Variants in ADCY3 observed in about 807,000 individuals in gnomAD.
ADCY3 encodes adenylate cyclase 3, also known as adenylate cyclase type 3.
Under a neutral mutation model 119.4 loss-of-function variants are expected in ADCY3, and 70 were observed. The ratio of observed to expected loss-of-function variants is 0.59; its 90% confidence interval spans 0.48 to 0.72. ADCY3 has a LOEUF of 0.72. ADCY3 is among the 30% of genes least tolerant of loss of function. The pLI is 0.00. For synonymous variants in ADCY3, 672 were observed against 621.4 expected (o/e 1.08, Z -1.21); for missense variants, 1,238 against 1,541.6 (o/e 0.80, Z 3.30).
chr2:24,836,408 G>A (rs1355766827), intron 9 of ADCY3, among the ~76,000 whole-genome samples: 1 of 152,242 alleles, frequency 6.6e-6, no homozygotes, highest in Non-Finnish European at 1.5e-5. Context: ...ATCAGTGAAC[G>A]TGCTCCAGAC....
intron 2 of ADCY3, among the ~76,000 whole-genome samples, chr2:24,917,115 A>G (rs1290437630): frequency 6.6e-6 from 1 of 152,212 alleles, no homozygotes; most frequent in Non-Finnish European, 1.5e-5. Flanking sequence ...TCAGCAGAGG[A>G]GTGGAAGATT....
At chr2:24,885,026 A>C (rs970821038) in intron 2 of ADCY3, among the ~76,000 whole-genome samples, 1 of 152,182 alleles carries the variant, frequency 6.6e-6, no homozygotes, top group Non-Finnish European at 1.5e-5. Context: ...GTCTGGAAGG[A>C]CCATGGCAGG....
chr2:24,846,521 C>T (rs1671663043), intron 3 of ADCY3, among the ~76,000 whole-genome samples: 1 of 152,120 alleles, frequency 6.6e-6, no homozygotes, highest in Non-Finnish European at 1.5e-5. Context: ...TTTGGAATGG[C>T]TATACTTACT....
At position 24,842,658 on chromosome 2, in the gene ADCY3, C is replaced by T; in HGVS notation, c.826-274G>A. On this transcript the variant is annotated intron_variant, in intron 3 of 21. Transcript: ENST00000679454. The surrounding 1 kb of genome is among the most constrained non-coding windows in gnomAD (Gnocchi z 4.9). ...AAGCATCCCAACGTGGCTCTGTGCT[C>T]AGCATCCTCGTGCCACAAGAAGCGC... 2.3e-6 allele frequency: 1 copy of T among 434,086 alleles called. No homozygotes were observed. The highest frequency in any genetic ancestry group is 4.3e-6 in the Non-Finnish European group (1 of 232,252). 26.9% of individuals were successfully genotyped at this position (434,086 alleles called of 1,614,324 possible).
chr2:24,890,327 T>C (rs755877806), intron 2 of ADCY3, among the ~76,000 whole-genome samples: 42 of 152,324 alleles, frequency 2.8e-4, no homozygotes, highest in Admixed American at 1.2e-3. Flanking sequence ...CAGGGCAATA[T>C]TGAATTCATA....
rs1407380370 is a variant in ADCY3 at position 24,823,491 on chromosome 2, C to T, written c.2737-136G>A. 5 of 780,970 alleles carry T rather than the reference C, an allele frequency of 6.4e-6. No homozygotes were observed. In the South Asian group the frequency reaches 9.4e-5, roughly 15 times the overall value. The allele number at this position is 780,970 out of a possible 1,614,324, so 48.4% of individuals were successfully genotyped here. On this transcript the variant is annotated intron_variant, in intron 17 of 21. Coordinates refer to ENST00000679454, the MANE Select transcript of ADCY3 (RefSeq NM_004036.5). Reference sequence around the variant, plus strand: ...TCACACATCAGTCAGATTATTCCAGCATTTTTTTTTTTTTTTTTAAGAGTG... The same window carrying T: ...TCACACATCAGTCAGATTATTCCAGTATTTTTTTTTTTTTTTTTAAGAGTG...
rs1162497254 is a variant in ADCY3, at chr2:24,919,360, C to T, written c.-197-176G>A. 9.7e-6 allele frequency: 2 copies of T among 206,842 alleles called. No individual in the cohort carries two copies. The highest frequency in any genetic ancestry group is 2.0e-5 in the Non-Finnish European group (2 of 102,000). The allele number at this position is 206,842 out of a possible 1,614,324, so 12.8% of individuals were successfully genotyped here. A position where few individuals can be genotyped will look rare whatever the true frequency, so the allele number is the denominator to read the frequency against. The stretch of plus-strand genomic sequence containing the variant: ...CCGCAGGCACACTTAGTCCTGTCCA[C>T]GCCAGACACTCAATTTCCTGTCCCT... On this transcript the variant is annotated intron_variant, in intron 1 of 21. Coordinates refer to ENST00000679454, the MANE Select transcript of ADCY3 (RefSeq NM_004036.5). This position sits in a 1 kb window ranked among gnomAD's most constrained non-coding sequence, Gnocchi z 5.5.
Position 24,853,005 on chromosome 2 carries a change from G to GGGGTGT in ADCY3, c.826-10622_826-10621insACACCC, listed in dbSNP as rs1558455043. On this transcript the variant is annotated intron_variant, in intron 3 of 21. Coordinates refer to ENST00000679454, the MANE Select transcript of ADCY3 (RefSeq NM_004036.5). The stretch of plus-strand genomic sequence containing the variant: ...ATTTGAAGGAAAGGAACAGCTGGAG[G>GGGGTGT]GTGTGTGTGTGTGTGTGTGTGTGTG... 6.3e-5 allele frequency among the ~76,000 whole-genome samples: 6 copies of GGGGTGT among 95,318 alleles called. 1 individual carries two copies. Among genetic ancestry groups the GGGGTGT allele is most frequent in the African/African-American group, 3.4e-4 (6 of 17,670 alleles). 62.5% of individuals were successfully genotyped at this position (95,318 alleles called of 152,430 possible). A position where few individuals can be genotyped will look rare whatever the true frequency, so the allele number is the denominator to read the frequency against.
chr2:24,859,818 C>G (rs766366118), intron 3 of ADCY3, among the ~76,000 whole-genome samples: 8 of 152,188 alleles, frequency 5.3e-5, no homozygotes, highest in Non-Finnish European at 1.0e-4. Context: ...TGCAGTCCCC[C>G]AAGACCTGAA....
intron 2 of ADCY3, among the ~76,000 whole-genome samples, chr2:24,889,832 G>A (rs141029407): frequency 0.058 from 8,833 of 152,272 alleles, 351 homozygotes; most frequent in Non-Finnish European, 0.089. Flanking sequence ...GCGAAACTCC[G>A]TCTCAAATAA....
chr2:24,834,734 G>C lies in ADCY3; in HGVS notation c.1805+60C>G, dbSNP rs751479357. Reference sequence around the variant, plus strand: ...CCGTATTTGGGATGCTCAGTTTCCTGAATCCCTTGTCAGGGCCCGGGAGGA... The same window carrying C: ...CCGTATTTGGGATGCTCAGTTTCCTCAATCCCTTGTCAGGGCCCGGGAGGA... On this transcript the variant is annotated intron_variant, in intron 10 of 21. Coordinates refer to ENST00000679454, the MANE Select transcript of ADCY3 (RefSeq NM_004036.5). This position sits in a 1 kb window ranked among gnomAD's most constrained non-coding sequence, Gnocchi z 4.2. 38 of 1,601,868 alleles carry C rather than the reference G, an allele frequency of 2.4e-5. No individual in the cohort carries two copies. Among genetic ancestry groups the C allele is most frequent in the Non-Finnish European group, 3.0e-5 (35 of 1,170,612 alleles).
chr2:24,834,724 T>C lies in ADCY3; in HGVS notation c.1805+70A>G. The C allele has an allele frequency of 1.2e-6, 2 of 1,601,938 alleles. No homozygotes were observed. Among genetic ancestry groups the C allele is most frequent in the South Asian group, 1.1e-5 (1 of 90,702 alleles). On this transcript the variant is annotated intron_variant, in intron 10 of 21. Transcript: ENST00000679454. The surrounding 1 kb of genome is among the most constrained non-coding windows in gnomAD (Gnocchi z 4.2). ...AGCAGGGGGGCCGTATTTGGGATGC[T>C]CAGTTTCCTGAATCCCTTGTCAGGG...
chr2:24,875,985 T>TGG (rs1675637478), intron 2 of ADCY3, among the ~76,000 whole-genome samples: 1 of 113,670 alleles, frequency 8.8e-6, no homozygotes, highest in African/African-American at 4.6e-5. Flanking sequence ...GGACTTCTTT[T>TGG]TGGGAGGGGG....
intron 16 of ADCY3, chr2:24,825,769 T>G (rs1668531872): frequency 2.3e-6 from 1 of 434,340 alleles, no homozygotes; most frequent in South Asian, 2.9e-5. Flanking sequence ...TGATTCAAGA[T>G]GTTTGTGCCT....
Position 24,826,055 on chromosome 2 carries a change from A to T in ADCY3, c.2567T>A (p.Phe856Tyr), listed in dbSNP as rs367811817. ...GCAGGCGGCACTCACGTGGCGGGAG[A>T]AGTAGTAGAAGCTGAGCATCATGAG... is the stretch of plus-strand genomic sequence containing the variant. ...VFLMMLSFYY[F>Y]SRHVEKLART... The change falls in exon 16 of 22, where the codon TTC becomes TAC. Residue 856 changes from phenylalanine (F) to tyrosine (Y), a missense_variant. Physicochemically the swap from Phe to Tyr is conservative, Grantham distance 22 (BLOSUM62 3). Around this residue, in one of 7 missense-constraint regions of ADCY3, gnomAD observed 499 missense variants for 571.0 expected, o/e 0.87. Coordinates refer to ENST00000679454, the MANE Select transcript of ADCY3 (RefSeq NM_004036.5). The T allele has an allele frequency of 2.0e-5, 32 of 1,613,788 alleles. No homozygotes were observed. The East Asian group carries it at 2.2e-4, about 11-fold the overall frequency.
intron 2 of ADCY3, among the ~76,000 whole-genome samples, chr2:24,889,663 C>A (rs1677452365): frequency 1.3e-5 from 2 of 152,156 alleles, no homozygotes; most frequent in South Asian, 4.1e-4. Context: ...GTGGTGAAAT[C>A]CCATCTCTAA....
rs200335673 is a variant in ADCY3 at position 24,821,567 on chromosome 2, G to A, written c.3077C>T (p.Thr1026Met). The change falls in exon 20 of 22, where the codon ACG (threonine) becomes ATG (methionine). Residue 1026 changes from threonine (T) to methionine (M), a missense_variant. Transcript: ENST00000679454. ...GGACTGGTTGTTGATGTTGGTGAGC[G>A]TATCCTTCATGGCCAGCGCGAAGTC... is the stretch of plus-strand genomic sequence containing the variant. ...LADFALAMKD[T>M]LTNINNQSFN... 28 of 1,614,072 alleles carry A rather than the reference G, an allele frequency of 1.7e-5. No homozygotes were observed. The highest frequency in any genetic ancestry group is 1.5e-4 in the African/African-American group (11 of 75,054).
chr2:24,840,097 T>C (rs1670821660), intron 6 of ADCY3, 66 bp from the exon 7 acceptor site: 1 of 1,548,366 alleles, frequency 6.5e-7, no homozygotes, highest in Non-Finnish European at 8.8e-7. Context: ...CTGCCCCTGC[T>C]CCTGCAGGAG....
intron 3 of ADCY3, among the ~76,000 whole-genome samples, chr2:24,843,046 C>T (rs1262224786): frequency 6.6e-6 from 1 of 152,192 alleles, no homozygotes; most frequent in Non-Finnish European, 1.5e-5. Context: ...CTTGGTCGAG[C>T]CCAAGACGCG....
Sources: gnomAD v4.1 joint callset for allele counts (sites outside exome capture counted in the v4.1 genomes callset) on GRCh38, gnomAD v4.1.1 for gene constraint, gnomAD v4.1.1 regional missense constraint, Gnocchi (gnomAD v3.1) non-coding constraint, MANE v1.5 for transcripts, NCBI Gene and HGNC (gene_info 2026-07-23, HGNC 2026-07-21) for gene names.